UTP6: variants seen among roughly 807,000 people sequenced by gnomAD.
UTP6 encodes the protein UTP6 small subunit processome component, also known as U3 small nucleolar RNA-associated protein 6 homolog.
A neutral mutation model predicts 96.5 loss-of-function variants in UTP6; 60 were observed. The observed-to-expected ratio is 0.62, with a 90% CI of 0.51 to 0.77. The LOEUF (loss-of-function observed/expected upper bound fraction) is 0.77. Among genes scored for constraint, UTP6 ranks in the 30% least tolerant of loss-of-function variants. The pLI, the probability that UTP6 is intolerant of heterozygous loss-of-function variation, is 0.00. For synonymous variants in UTP6, 215 were observed against 240.1 expected (o/e 0.90, Z 0.96); for missense variants, 637 against 706.5 (o/e 0.90, Z 1.12).
intron 11 of UTP6, among the ~76,000 whole-genome samples, chr17:31,879,352 T>C (rs769046212): frequency 2.0e-5 from 3 of 152,084 alleles, no homozygotes; most frequent in Non-Finnish European, 4.4e-5. Context: ...ATCGTGTCAC[T>C]GTACTCCAGC....
Position 31,901,553 on chromosome 17 carries a change from G to C in UTP6, c.75C>G (p.Phe25Leu). The change falls in exon 1 of 19, where the codon TTC (phenylalanine) becomes TTG (leucine). Residue 25 changes from phenylalanine (F) to leucine (L), a missense_variant. By Grantham distance (22) the Phe-to-Leu change is conservative. Coordinates refer to ENST00000261708, the MANE Select transcript of UTP6 (RefSeq NM_018428.3). ...ELEQLERIGL[F>L]SHAEIKAIIK... is the part of the protein sequence containing the mutation. Reference sequence around the variant, plus strand: ...TCTCTCACTTAATCTCCGCATGACTGAACAGTCCAATGCGCTCCAGCTGTT... The same window carrying C: ...TCTCTCACTTAATCTCCGCATGACTCAACAGTCCAATGCGCTCCAGCTGTT... The C allele has an allele frequency of 1.2e-6, 2 of 1,613,910 alleles. No individual in the cohort carries two copies. The highest frequency in any genetic ancestry group is 1.7e-6 in the Non-Finnish European group (2 of 1,180,002).
At chr17:31,889,186 C>G in intron 7 of UTP6, 99 bp downstream of exon 7, 1 of 820,882 alleles carries the variant, frequency 1.2e-6, no homozygotes, top group Non-Finnish European at 1.9e-6. Context: ...ACTCGGGAGG[C>G]TGAGGCGTAA....
At chr17:31,870,910 G>A (rs1910130469) in intron 16 of UTP6, among the ~76,000 whole-genome samples, 1 of 151,614 alleles carries the variant, frequency 6.6e-6, no homozygotes, top group African/African-American at 2.4e-5. Flanking sequence ...CAACCACCTG[G>A]ACTCAAGTGA....
intron 11 of UTP6, among the ~76,000 whole-genome samples, chr17:31,879,094 T>C (rs1283743340): frequency 1.3e-5 from 2 of 152,210 alleles, no homozygotes; most frequent in South Asian, 2.1e-4. Flanking sequence ...TAAATCACTT[T>C]CCAAAGATAA....
At chr17:31,889,476 C>A in intron 6 of UTP6, 73 bp from the exon 7 acceptor site, 66 of 1,038,580 alleles carry the variant, frequency 6.4e-5, no homozygotes, top group Middle Eastern at 2.4e-4. Context: ...CCAAATGATC[C>A]AATTTTAATA....
intron 10 of UTP6, among the ~76,000 whole-genome samples, chr17:31,883,629 T>A (rs1428743881): frequency 6.6e-6 from 1 of 151,826 alleles, no homozygotes; most frequent in Non-Finnish European, 1.5e-5. Context: ...TTTTTTTTTT[T>A]ATTGAATAAA....
chr17:31,889,481 T>G, intron 6 of UTP6, 78 bp from the exon 7 acceptor site: 2 of 1,196,568 alleles, frequency 1.7e-6, no homozygotes, highest in South Asian at 2.8e-5. Flanking sequence ...TGATCCAATT[T>G]TAATACTCGC....
At position 31,889,625 on chromosome 17, in the gene UTP6, T is replaced by C. The variant is rs145374333; in HGVS notation, c.425-222A>G. ...CATTCTCCTGCTTCAGTCTCCCGAGTAGCTGGTACTACAGGCACCCGCCAC... is the reference window on the plus strand; with the variant it reads ...CATTCTCCTGCTTCAGTCTCCCGAGCAGCTGGTACTACAGGCACCCGCCAC... On this transcript the variant is annotated intron_variant, in intron 6 of 18. Coordinates refer to ENST00000261708, the MANE Select transcript of UTP6 (RefSeq NM_018428.3). 4.5e-3 allele frequency among the ~76,000 whole-genome samples: 683 copies of C among 151,546 alleles called. 2 individuals are homozygous for C. The highest frequency in any genetic ancestry group is 0.016 in the African/African-American group (656 of 41,276).
At chr17:31,901,077 T>C (rs1391420315) in intron 1 of UTP6, among the ~76,000 whole-genome samples, 2 of 152,168 alleles carry the variant, frequency 1.3e-5, no homozygotes, top group African/African-American at 4.8e-5. Context: ...GAGTAGCATA[T>C]GAAACTGATT....
intron 9 of UTP6, 30 bp from the exon 10 acceptor site, chr17:31,884,535 T>A: frequency 2.0e-6 from 3 of 1,511,202 alleles, no homozygotes; most frequent in Non-Finnish European, 2.7e-6. Flanking sequence ...GAGGGGAAGT[T>A]TATTGCCAAT....
In UTP6 at chr17:31,875,367, A is replaced by T. The variant is rs1297160070; in HGVS notation, c.1172T>A (p.Val391Glu). 1 of 1,614,204 alleles carries T rather than the reference A, an allele frequency of 6.2e-7. No homozygotes were observed. Among genetic ancestry groups the T allele is most frequent in the East Asian group, 2.2e-5 (1 of 44,880 alleles). Residue 391 changes from valine (V) to glutamate (E), a missense_variant, in exon 14 of 19, where the codon GTG becomes GAG. By Grantham distance (121) the Val-to-Glu change is moderately radical. Coordinates refer to ENST00000261708, the MANE Select transcript of UTP6 (RefSeq NM_018428.3). ...AAACAATTCAGTTCCAGCTACTGCCACTTCCAGAGCTTCCCTCAGGAAGTT... is the reference window on the plus strand; with the variant it reads ...AAACAATTCAGTTCCAGCTACTGCCTCTTCCAGAGCTTCCCTCAGGAAGTT... ...CYNFLREALE[V>E]AVAGTELFRD...
At chr17:31,893,126 A>G (rs900547664) in intron 4 of UTP6, among the ~76,000 whole-genome samples, 3 of 152,104 alleles carry the variant, frequency 2.0e-5, no homozygotes, top group African/African-American at 7.2e-5. Context: ...CAAAAAAATT[A>G]GCCGGACTTG....
At chr17:31,882,600 C>T (rs1910909585) in intron 10 of UTP6, among the ~76,000 whole-genome samples, 1 of 152,172 alleles carries the variant, frequency 6.6e-6, no homozygotes, top group Non-Finnish European at 1.5e-5. Context: ...AGATTACAGG[C>T]GTAAGCCACC....
intron 16 of UTP6, among the ~76,000 whole-genome samples, chr17:31,869,906 G>C (rs1284360305): frequency 1.3e-5 from 2 of 152,062 alleles, no homozygotes; most frequent in Non-Finnish European, 2.9e-5. Flanking sequence ...AGCTATAATT[G>C]CAAGTGAGAA....
rs189750609 is a variant in UTP6 at position 31,870,756 on chromosome 17, C to T, written c.1496+2622G>A. Reference sequence around the variant, plus strand: ...GCCAGGATGGTCTCGATCTCCTGACCTCGTGATCCGTCTGCCTCGACCTCC... The same window carrying T: ...GCCAGGATGGTCTCGATCTCCTGACTTCGTGATCCGTCTGCCTCGACCTCC... On this transcript the variant is annotated intron_variant, in intron 16 of 18. Transcript: ENST00000261708. 2.6e-5 allele frequency among the ~76,000 whole-genome samples: 4 copies of T among 151,792 alleles called. No individual in the cohort carries two copies. The East Asian group carries it at 7.8e-4, about 30-fold the overall frequency.
At chr17:31,872,948 G>A (rs757976826) in intron 16 of UTP6, among the ~76,000 whole-genome samples, 1 of 150,864 alleles carries the variant, frequency 6.6e-6, no homozygotes, top group South Asian at 2.1e-4. Context: ...CAAAAAAAAA[G>A]GAAAATGAAA....
At position 31,887,305 on chromosome 17, in the gene UTP6, CCTAAAGTA is replaced by C; in HGVS notation, c.544_551del (p.Tyr182AspfsTer7). 2 of 1,613,722 alleles carry C rather than the reference CCTAAAGTA, an allele frequency of 1.2e-6. No individual in the cohort carries two copies. The highest frequency in any genetic ancestry group is 1.7e-6 in the Non-Finnish European group (2 of 1,179,888). On this transcript the variant is annotated frameshift_variant and splice_region_variant, in exon 8 of 19. Coordinates refer to ENST00000261708, the MANE Select transcript of UTP6 (RefSeq NM_018428.3). LOFTEE classifies it high-confidence loss of function. ...GTTTTTCAGCATGCATCAGCTCCAT[CCTAAAGTA>C]CTACAGAAGAGAAATAAACTGAAAA... is the stretch of plus-strand genomic sequence containing the variant.
chr17:31,876,028 T>G (rs1160408180), intron 13 of UTP6, among the ~76,000 whole-genome samples: 1 of 151,822 alleles, frequency 6.6e-6, no homozygotes, highest in Non-Finnish European at 1.5e-5. Flanking sequence ...TTAGGTTTTT[T>G]TGTTTTTCTT....
chr17:31,879,960 G>C (rs1367002753), intron 11 of UTP6, among the ~76,000 whole-genome samples: 1 of 151,878 alleles, frequency 6.6e-6, no homozygotes, highest in Non-Finnish European at 1.5e-5. Context: ...ACAAAAATTA[G>C]CCAGGCATCG....
Sources: gnomAD v4.1 joint callset for allele counts (sites outside exome capture counted in the v4.1 genomes callset) on GRCh38, gnomAD v4.1.1 for gene constraint, MANE v1.5 for transcripts, NCBI Gene and HGNC (gene_info 2026-07-23, HGNC 2026-07-21) for gene names.